Variants in JAK1 observed in about 807,000 individuals in gnomAD.
The protein encoded by JAK1 is Janus kinase 1.
Under a neutral mutation model 136.6 loss-of-function variants are expected in JAK1, and 16 were observed. The ratio of observed to expected loss-of-function variants is 0.12; its 90% CI spans 0.08 to 0.18. JAK1 has a LOEUF of 0.18. Ranked by LOEUF, JAK1 falls within the 10% of genes least tolerant of loss-of-function variation. JAK1 has a pLI of 1.00. For missense variants in JAK1, 859 were observed against 1,450.1 expected, an observed-to-expected ratio of 0.59 and a Z score of 6.62; for synonymous variants, 492 against 519.5, an observed-to-expected ratio of 0.95 and a Z score of 0.72.
chr1:65,042,510 C>T (rs1159914658), intron 2 of JAK1, among the ~76,000 whole-genome samples: 5 of 151,996 alleles, frequency 3.3e-5, no homozygotes, highest in African/African-American at 9.7e-5. Context: ...ATTCATGTTA[C>T]ATCAGGTGAC....
intron 1 of JAK1, among the ~76,000 whole-genome samples, chr1:65,049,280 G>A (rs566523298): frequency 6.6e-6 from 1 of 152,194 alleles, no homozygotes; most frequent in African/African-American, 2.4e-5. Flanking sequence ...AAAATCAGCC[G>A]GCCAGGTAGT....
intron 1 of JAK1, among the ~76,000 whole-genome samples, chr1:65,049,497 C>T (rs1647227671): frequency 6.6e-6 from 1 of 152,160 alleles, no homozygotes; most frequent in Admixed American, 6.6e-5. Flanking sequence ...TCTTCACGAA[C>T]TTCAAAAGAG....
chr1:64,970,678 C>T (rs547429183), upstream of JAK1, among the ~76,000 whole-genome samples: 17 of 150,840 alleles, frequency 1.1e-4, no homozygotes, highest in Non-Finnish European at 1.6e-4. Flanking sequence ...GCACGAGAAC[C>T]GCTTGAACCT....
chr1:64,936,566 T>C (rs182264049), intron 1 of JAK1, among the ~76,000 whole-genome samples: 117 of 152,176 alleles, frequency 7.7e-4, no homozygotes, highest in Non-Finnish European at 1.4e-3. Context: ...CCCAGGACTT[T>C]CACAAGTATG....
chr1:64,959,542 G>C (rs1646247046), intron 1 of JAK1, among the ~76,000 whole-genome samples: 1 of 152,114 alleles, frequency 6.6e-6, no homozygotes, highest in Non-Finnish European at 1.5e-5. Flanking sequence ...TCTGCCAATA[G>C]CCCACAACTT....
intron 1 of JAK1, among the ~76,000 whole-genome samples, chr1:64,914,365 C>T (rs1645355170): frequency 6.6e-6 from 1 of 152,120 alleles, no homozygotes; most frequent in Non-Finnish European, 1.5e-5. Context: ...TTAAGTTAAA[C>T]AATGGAATGC....
At chr1:65,021,211 A>G (rs1301962020) in intron 2 of JAK1, among the ~76,000 whole-genome samples, 1 of 152,180 alleles carries the variant, frequency 6.6e-6, no homozygotes, top group African/African-American at 2.4e-5. Flanking sequence ...AGTTGTTCAC[A>G]TGTCCGTCTG....
At chr1:64,892,822 C>CGA (rs1644959874) in intron 1 of JAK1, among the ~76,000 whole-genome samples, 1 of 152,186 alleles carries the variant, frequency 6.6e-6, no homozygotes, top group Non-Finnish European at 1.5e-5. Flanking sequence ...TAGCCTCACT[C>CGA]CCCTTTCCAT....
exon 1 of JAK1, chr1:65,067,622 C>G (rs1480390110): frequency 6.7e-6 from 1 of 148,832 alleles, no homozygotes; most frequent in Non-Finnish European, 1.5e-5. Flanking sequence ...CCGGGGGTCC[C>G]GGGCTCCCCT....
intron 1 of JAK1, among the ~76,000 whole-genome samples, chr1:64,946,606 C>T (rs1645991710): frequency 6.6e-6 from 1 of 152,154 alleles, no homozygotes; most frequent in Non-Finnish European, 1.5e-5. Flanking sequence ...AAACATTTTG[C>T]TGTTCTGAAT....
intron 2 of JAK1, among the ~76,000 whole-genome samples, chr1:65,018,887 T>A (rs913854992): frequency 6.6e-6 from 1 of 152,040 alleles, no homozygotes; most frequent in African/African-American, 2.4e-5. Flanking sequence ...GGCGGGCGCC[T>A]GTAGTCCCAG....
At chr1:64,958,467 C>T (rs1158085181) in intron 1 of JAK1, among the ~76,000 whole-genome samples, 3 of 152,194 alleles carry the variant, frequency 2.0e-5, no homozygotes, top group Non-Finnish European at 4.4e-5. Context: ...TAAATTAAGA[C>T]ATTAGCATAT....
At chr1:65,052,087 G>A (rs1277313546) in intron 1 of JAK1, among the ~76,000 whole-genome samples, 1 of 151,004 alleles carries the variant, frequency 6.6e-6, no homozygotes, top group Non-Finnish European at 1.5e-5. Context: ...GGAAGAGCTG[G>A]GACTACAAGC....
At chr1:64,891,059 T>C (rs780947214) in intron 1 of JAK1, among the ~76,000 whole-genome samples, 1 of 152,014 alleles carries the variant, frequency 6.6e-6, no homozygotes, top group Non-Finnish European at 1.5e-5. Context: ...CCCAACAGAG[T>C]TTAGCATGCA....
intron 1 of JAK1, among the ~76,000 whole-genome samples, chr1:64,899,123 C>T (rs913325926): frequency 6.6e-6 from 1 of 152,178 alleles, no homozygotes; most frequent in African/African-American, 2.4e-5. Flanking sequence ...AGTATCATTC[C>T]TCTTATTCTA....
At chr1:65,027,041 A>G (rs1421314822) in intron 2 of JAK1, among the ~76,000 whole-genome samples, 1 of 151,530 alleles carries the variant, frequency 6.6e-6, no homozygotes, top group Non-Finnish European at 1.5e-5. Flanking sequence ...TTATCTGGAA[A>G]CTTTTGGGGT....
chr1:65,051,634 GA>G (rs1349638440), intron 1 of JAK1, among the ~76,000 whole-genome samples: 1 of 151,936 alleles, frequency 6.6e-6, no homozygotes, highest in Admixed American at 6.6e-5. Flanking sequence ...TTTTCAAATT[GA>G]AAAAAACCAA....
chr1:64,935,509 C>T (rs1321082102), intron 1 of JAK1, among the ~76,000 whole-genome samples: 2 of 152,188 alleles, frequency 1.3e-5, no homozygotes, highest in Non-Finnish European at 2.9e-5. Context: ...CCATGTTGGT[C>T]AGGCTGGTCT....
chr1:64,949,572 C>G (rs1646046224), intron 1 of JAK1, among the ~76,000 whole-genome samples: 2 of 152,164 alleles, frequency 1.3e-5, no homozygotes, highest in African/African-American at 2.4e-5. Flanking sequence ...AAATTATTTT[C>G]ATGTCCTTTG....
Sources: allele counts gnomAD v4.1 joint callset (sites outside exome capture counted in the v4.1 genomes callset), GRCh38; gene constraint gnomAD v4.1.1; transcripts MANE v1.5; gene names NCBI Gene and HGNC (gene_info 2026-07-23, HGNC 2026-07-21).